Variants in NCAPH observed in about 807,000 individuals in gnomAD.
NCAPH encodes non-SMC condensin I complex subunit H, also known as condensin complex subunit 2.
NCAPH carries 38 observed loss-of-function variants against 85.5 expected under a neutral mutation model. That is an observed-to-expected ratio of 0.44 (90% CI 0.34 to 0.58). The LOEUF (loss-of-function observed/expected upper bound fraction) is 0.58. Among genes scored for constraint, NCAPH ranks in the 20% least tolerant of loss-of-function variants. NCAPH has a pLI of 0.01. For synonymous variants in NCAPH, 301 were observed against 335.1 expected, an observed-to-expected ratio of 0.90 and a Z score of 1.11; for missense variants, 789 against 916.6, an observed-to-expected ratio of 0.86 and a Z score of 1.80.
At chr2:96,341,941 T>A in intron 2 of NCAPH, 47 bp downstream of exon 2, 1 of 1,604,722 alleles carries the variant, frequency 6.2e-7, no homozygotes, top group Non-Finnish European at 8.5e-7. Context: ...CGCCTTGATA[T>A]GGGCTGCGTA....
intron 10 of NCAPH, among the ~76,000 whole-genome samples, chr2:96,359,707 C>G (rs2064577931): frequency 6.6e-6 from 1 of 152,236 alleles, no homozygotes; most frequent in Non-Finnish European, 1.5e-5. Flanking sequence ...TTACTGCAGC[C>G]TTGACCTCCT....
At position 96,341,717 on chromosome 2, in the gene NCAPH, G is replaced by A. The variant is rs755493729; in HGVS notation, c.95G>A (p.Arg32His). 1.5e-5 allele frequency: 25 copies of A among 1,614,050 alleles called. No individual in the cohort carries two copies. The highest frequency in any genetic ancestry group is 3.3e-5 in the South Asian group (3 of 91,092). ...HPHSASSPSE[R>H]VFPMPLPRKA... ...CACAGTGCCTCCTCTCCTTCAGAGCGTGTGTTCCCGATGCCCCTGCCCAGG... is the reference window on the plus strand; with the variant it reads ...CACAGTGCCTCCTCTCCTTCAGAGCATGTGTTCCCGATGCCCCTGCCCAGG... The change falls in exon 2 of 18, where the codon CGT becomes CAT. Residue 32 changes from arginine to histidine, a missense_variant. Coordinates refer to ENST00000240423, the MANE Select transcript of NCAPH (RefSeq NM_015341.5).
intron 6 of NCAPH, among the ~76,000 whole-genome samples, chr2:96,349,507 A>G (rs1193236810): frequency 6.6e-6 from 1 of 152,010 alleles, no homozygotes; most frequent in Non-Finnish European, 1.5e-5. Context: ...TCAGCCACCC[A>G]AGTAGCTGGG....
At chr2:96,361,808 A>G (rs183488660) in intron 12 of NCAPH, among the ~76,000 whole-genome samples, 3,672 of 75,060 alleles carry the variant, frequency 0.049, 71 homozygotes, top group Admixed American at 0.081. Context: ...ATATATGTGT[A>G]TATATATATA....
At chr2:96,358,998 A>G (rs771665419) in intron 9 of NCAPH, 47 bp from the exon 10 acceptor site, 1 of 1,571,614 alleles carries the variant, frequency 6.4e-7, no homozygotes, top group African/African-American at 1.4e-5. Context: ...ATGTAAATAC[A>G]GCATTATAAT....
chr2:96,350,484 T>C lies in NCAPH; in HGVS notation c.721-1347T>C, dbSNP rs910948227. Among the ~76,000 whole-genome samples the C allele has an allele frequency of 5.9e-5, 9 of 152,058 alleles. No individual in the cohort carries two copies. The South Asian group carries it at 1.0e-3, about 18-fold the overall frequency. Reference sequence around the variant, plus strand: ...AATAGGAGTAACCTATTTTTAGGTATTTTTAGGATGGGGAAAAAAAATAGG... The same window carrying C: ...AATAGGAGTAACCTATTTTTAGGTACTTTTAGGATGGGGAAAAAAAATAGG... On this transcript the variant is annotated intron_variant, in intron 6 of 17. Transcript: ENST00000240423.
chr2:96,362,660 C>T (rs1457212968), intron 12 of NCAPH, among the ~76,000 whole-genome samples: 1 of 152,076 alleles, frequency 6.6e-6, no homozygotes, highest in Non-Finnish European at 1.5e-5. Context: ...GAAGTCATTG[C>T]AGATGTGGTA....
chr2:96,352,964 C>T (rs1003492220), intron 7 of NCAPH, among the ~76,000 whole-genome samples: 6 of 152,184 alleles, frequency 3.9e-5, no homozygotes, highest in African/African-American at 1.4e-4. Flanking sequence ...ATTTTTAAGA[C>T]GAAGCGTTTG....
chr2:96,355,236 AAC>A (rs2064507542), intron 9 of NCAPH, among the ~76,000 whole-genome samples: 1 of 152,172 alleles, frequency 6.6e-6, no homozygotes, highest in Non-Finnish European at 1.5e-5. Flanking sequence ...AGGGTCTCAC[AAC>A]ACTTTAATGT....
intron 6 of NCAPH, among the ~76,000 whole-genome samples, chr2:96,350,132 T>C (rs1573073907): frequency 6.6e-6 from 1 of 152,380 alleles, no homozygotes; most frequent in Non-Finnish European, 1.5e-5. Context: ...TCATTCAGTC[T>C]ATTGTAAGGC....
chr2:96,344,286 G>A, intron 6 of NCAPH, 57 bp downstream of exon 6: 1 of 1,537,096 alleles, frequency 6.5e-7, no homozygotes, highest in African/African-American at 1.4e-5. Flanking sequence ...TAGGGGCTGA[G>A]ACTTGGCAGG....
intron 9 of NCAPH, 65 bp downstream of exon 9, chr2:96,354,453 T>A: frequency 7.7e-7 from 1 of 1,294,258 alleles, no homozygotes; most frequent in Non-Finnish European, 1.0e-6. Context: ...TTTCTTTTTC[T>A]TTTTTTTCTA....
Position 96,335,833 on chromosome 2 carries a change from G to T in NCAPH, c.4G>T (p.Gly2Ter), listed in dbSNP as rs2064204357. 6.7e-7 allele frequency: 1 copy of T among 1,497,452 alleles called. No homozygotes were observed. The highest frequency in any genetic ancestry group is 1.3e-5 in the South Asian group (1 of 78,378). 92.8% of individuals were successfully genotyped at this position (1,497,452 alleles called of 1,614,324 possible). A position where few individuals can be genotyped will look rare whatever the true frequency, so the allele number is the denominator to read the frequency against. The change falls in exon 1 of 18, where the codon GGA (glycine) becomes TGA (stop). Residue 2 changes from glycine to a stop codon, truncating the protein, a stop_gained. Coordinates refer to ENST00000240423, the MANE Select transcript of NCAPH (RefSeq NM_015341.5). LOFTEE classifies it high-confidence loss of function. ...GCTCAGGAGACGCCAAGGAAAGATG[G>T]GACCTCCCGGCCCAGGTGAGCCGGG... The part of the protein sequence containing the change: M[G>*]PPGPALPATM...
chr2:96,346,899 C>T (rs951344187), intron 6 of NCAPH, among the ~76,000 whole-genome samples: 11 of 151,940 alleles, frequency 7.2e-5, no homozygotes, highest in Admixed American at 1.3e-4. Context: ...GAGAGGATAT[C>T]AACCAAGAGA....
chr2:96,353,416 G>C lies in NCAPH; in HGVS notation c.1002+19G>C. ...TAATGAGGTGTGGTCAAGTTTTAGT[G>C]GCTCATGGTTTCAGTTAGTTGGCTC... On this transcript the variant is annotated intron_variant, in intron 8 of 17. Coordinates refer to ENST00000240423, the MANE Select transcript of NCAPH (RefSeq NM_015341.5). 1.9e-6 allele frequency: 3 copies of C among 1,605,426 alleles called. No homozygotes were observed. The highest frequency in any genetic ancestry group is 2.6e-6 in the Non-Finnish European group (3 of 1,172,136).
chr2:96,347,521 G>A (rs2064377837), intron 6 of NCAPH, among the ~76,000 whole-genome samples: 1 of 152,138 alleles, frequency 6.6e-6, no homozygotes, highest in Non-Finnish European at 1.5e-5. Context: ...CAAGTAGGTG[G>A]AGATAATCCT....
chr2:96,352,431 A>G (rs1006285805), intron 7 of NCAPH, among the ~76,000 whole-genome samples: 2 of 152,136 alleles, frequency 1.3e-5, no homozygotes, highest in African/African-American at 2.4e-5. Flanking sequence ...AGGAGAAGAG[A>G]GCGTTGTGAA....
chr2:96,354,673 CTGAT>C (rs1278861809), intron 9 of NCAPH, among the ~76,000 whole-genome samples: 4 of 152,082 alleles, frequency 2.6e-5, no homozygotes, highest in Non-Finnish European at 5.9e-5. Flanking sequence ...AATTTGATGT[CTGAT>C]TGGCTGGGCT....
chr2:96,339,741 A>T (rs1365379795), intron 1 of NCAPH, among the ~76,000 whole-genome samples: 1 of 152,002 alleles, frequency 6.6e-6, no homozygotes, highest in Non-Finnish European at 1.5e-5. Context: ...ATCACTAGTA[A>T]CCCTAGGTTC....
Sources: gnomAD v4.1 joint callset for allele counts (sites outside exome capture counted in the v4.1 genomes callset) on GRCh38, gnomAD v4.1.1 for gene constraint, MANE v1.5 for transcripts, NCBI Gene and HGNC (gene_info 2026-07-23, HGNC 2026-07-21) for gene names.